PRSS57: variants seen among roughly 807,000 people sequenced by gnomAD.
The protein encoded by PRSS57 is neutrophil serine protease 4.
In PRSS57, 19 loss-of-function variants were observed where a neutral mutation model predicts 20.6. The observed-to-expected ratio is 0.92, with a 90% confidence interval of 0.64 to 1.35. The LOEUF is 1.35. PRSS57 is among the 40% of genes most tolerant of loss of function. PRSS57 has a pLI of 0.00. For synonymous variants in PRSS57, 203 were observed against 176.6 expected (o/e 1.15, Z -1.19); for missense variants, 440 against 403.7 (o/e 1.09, Z -0.77).
chr19:685,799 A>G lies in PRSS57; in HGVS notation c.766T>C (p.Trp256Arg), dbSNP rs1189941980. The change falls in exon 5 of 5, where the codon TGG becomes CGG. Residue 256 changes from tryptophan (W) to arginine (R), a missense_variant. Trp to Arg is a moderately radical substitution (Grantham distance 101). Transcript: ENST00000329267. ...CTCCGCCGAACCACGTCCCAGATCC[A>G]GGCCACAAAGGCGGACACCTGCGTG... ...VYTQVSAFVA[W>R]IWDVVRRSSP... The G allele has an allele frequency of 6.4e-7, 1 of 1,565,376 alleles. No individual in the cohort carries two copies. Among genetic ancestry groups the G allele is most frequent in the South Asian group, 1.2e-5 (1 of 85,232 alleles).
At position 691,688 on chromosome 19, in the gene PRSS57, G is replaced by T. The variant is rs529164339; in HGVS notation, c.378+170C>A. On this transcript the variant is annotated intron_variant, in intron 3 of 4. Coordinates refer to ENST00000329267, the MANE Select transcript of PRSS57 (RefSeq NM_001308209.2). ...ACAAAAATTAGATGGGCTTGGTGGC[G>T]CGCACCTGTAATCCCATGTACTTGA... 3.0e-4 allele frequency among the ~76,000 whole-genome samples: 45 copies of T among 151,322 alleles called. 1 individual carries two copies. Among genetic ancestry groups the T allele is most frequent in the African/African-American group, 1.0e-3 (42 of 41,146 alleles).
rs538211698 is a variant in PRSS57 at position 689,166 on chromosome 19, G to C, written c.379-1978C>G. On this transcript the variant is annotated intron_variant, in intron 3 of 4. Transcript: ENST00000329267. ...GACGGTGCTAGAAGGGTGGTCCAGG[G>C]GTTAGCAGGTGACGACGGGGCTGGA... Among the ~76,000 whole-genome samples the C allele has an allele frequency of 1.0e-3, 124 of 124,558 alleles. 4 individuals are homozygous for C. Among genetic ancestry groups the C allele is most frequent in the African/African-American group, 3.8e-3 (120 of 31,718 alleles). 81.7% of individuals were successfully genotyped at this position (124,558 alleles called of 152,430 possible).
At position 687,152 on chromosome 19, in the gene PRSS57, G is replaced by A. The variant is rs754896152; in HGVS notation, c.415C>T (p.Leu139=). The change falls in exon 4 of 5, where the codon CTG becomes TTG. Residue 139 remains leucine, a synonymous_variant. Coordinates refer to ENST00000329267, the MANE Select transcript of PRSS57 (RefSeq NM_001308209.2). ...GCCCTTCTCCCTGGCGGCCTCAGCA[G>A]CCCCACTGCAGGGCCCAGGACAGCA... ...GSAVLGPAVG[L]LRPPGRRARP... The A allele has an allele frequency of 3.1e-6, 5 of 1,594,710 alleles. No homozygotes were observed. The African/African-American group carries it at 4.0e-5, about 13-fold the overall frequency.
chr19:686,828 T>C (rs1487148028), intron 4 of PRSS57, 97 bp downstream of exon 4: 8 of 1,430,370 alleles, frequency 5.6e-6, no homozygotes, highest in Non-Finnish European at 7.6e-6. Context: ...CCAACATCAA[T>C]GGGACTCAGT....
At chr19:688,433 CG>C (rs1186213607) in intron 3 of PRSS57, among the ~76,000 whole-genome samples, 1 of 151,406 alleles carries the variant, frequency 6.6e-6, no homozygotes, top group Non-Finnish European at 1.5e-5. Flanking sequence ...CTCCGCCTCC[CG>C]GGTTCAAGCG....
chr19:693,823 G>T (rs113654570), intron 2 of PRSS57, among the ~76,000 whole-genome samples: 4 of 151,744 alleles, frequency 2.6e-5, no homozygotes, highest in Admixed American at 6.6e-5. Context: ...CACTGAAAGC[G>T]CCGCCTCCCG....
At chr19:695,200 C>A in intron 1 of PRSS57, 152 bp downstream of exon 1, 1 of 484,994 alleles carries the variant, frequency 2.1e-6, no homozygotes, top group Non-Finnish European at 3.3e-6. Flanking sequence ...GCCGGATTTC[C>A]ATCCATTTCC....
intron 3 of PRSS57, among the ~76,000 whole-genome samples, chr19:689,644 C>T (rs114400520): frequency 6.6e-6 from 1 of 152,258 alleles, no homozygotes; most frequent in Non-Finnish European, 1.5e-5. Flanking sequence ...TCAGGCCAGG[C>T]GCAGCAGCTC....
chr19:685,710 T>G lies in PRSS57; in HGVS notation c.*6A>C. On this transcript the variant is annotated 3_prime_UTR_variant, in exon 5 of 5. Transcript: ENST00000329267. ...CCATCTCATTTGCATGCCGCAAGGTTGTGGCTCAGGCGGCTTCTCCTGGGG... is the reference window on the plus strand; with the variant it reads ...CCATCTCATTTGCATGCCGCAAGGTGGTGGCTCAGGCGGCTTCTCCTGGGG... 6.5e-7 allele frequency: 1 copy of G among 1,531,008 alleles called. No individual in the cohort carries two copies. Among genetic ancestry groups the G allele is most frequent in the Non-Finnish European group, 8.8e-7 (1 of 1,131,160 alleles). 94.8% of individuals were successfully genotyped at this position (1,531,008 alleles called of 1,614,324 possible).
intron 3 of PRSS57, among the ~76,000 whole-genome samples, chr19:689,374 G>T (rs914242498): frequency 9.2e-5 from 14 of 152,034 alleles, no homozygotes; most frequent in Non-Finnish European, 2.9e-5. Flanking sequence ...AGACTTGACA[G>T]GCGTGAGGGG....
chr19:692,991 A>C (rs1343706685), intron 2 of PRSS57, among the ~76,000 whole-genome samples: 2 of 149,586 alleles, frequency 1.3e-5, no homozygotes, highest in African/African-American at 4.9e-5. Flanking sequence ...GCAGTGGTGC[A>C]ATCTTGGCTC....
At chr19:688,427 G>A (rs12185493) in intron 3 of PRSS57, among the ~76,000 whole-genome samples, 3,332 of 146,488 alleles carry the variant, frequency 0.023, 56 homozygotes, top group South Asian at 0.046. Context: ...GGCAACCTCC[G>A]CCTCCCGGGT....
chr19:693,178 G>T (rs946201731), intron 2 of PRSS57, among the ~76,000 whole-genome samples: 1 of 148,354 alleles, frequency 6.7e-6, no homozygotes, highest in Admixed American at 6.7e-5. Flanking sequence ...TGATCCGCCT[G>T]CCTCGGCCTC....
chr19:691,391 G>T (rs35418707), intron 3 of PRSS57, among the ~76,000 whole-genome samples: 28,927 of 151,118 alleles, frequency 0.19, 3,094 homozygotes, highest in African/African-American at 0.28. Context: ...TGTAATCCCA[G>T]CTACTTGGGT....
chr19:693,327 A>C (rs1161417454), intron 2 of PRSS57, among the ~76,000 whole-genome samples: 1 of 145,646 alleles, frequency 6.9e-6, no homozygotes, highest in Non-Finnish European at 1.5e-5. Flanking sequence ...TCCCAGGCTC[A>C]AGCGATCCTC....
At chr19:692,370 A>C (rs1356685103) in intron 2 of PRSS57, among the ~76,000 whole-genome samples, 1 of 143,666 alleles carries the variant, frequency 7.0e-6, no homozygotes, top group Non-Finnish European at 1.5e-5. Context: ...CTCCGTCTCA[A>C]AAAAACAAAA....
intron 3 of PRSS57, among the ~76,000 whole-genome samples, chr19:687,618 C>CTGT (rs1181384136): frequency 2.6e-5 from 4 of 152,152 alleles, no homozygotes; most frequent in Non-Finnish European, 4.4e-5. Context: ...GTTGGCCAGG[C>CTGT]TGTTCTCAAA....
intron 3 of PRSS57, among the ~76,000 whole-genome samples, chr19:689,824 T>C (rs959726629): frequency 1.3e-5 from 2 of 152,026 alleles, no homozygotes; most frequent in African/African-American, 4.8e-5. Flanking sequence ...GAGACCAAGG[T>C]GGGCGGATCA....
intron 3 of PRSS57, chr19:690,289 G>GT (rs2031606419): frequency 6.9e-6 from 1 of 144,066 alleles, no homozygotes; most frequent in South Asian, 2.1e-4. Context: ...CCAGCCTGGG[G>GT]ACACAGGGAG....
Sources: gnomAD v4.1 joint callset for allele counts (sites outside exome capture counted in the v4.1 genomes callset) on GRCh38, gnomAD v4.1.1 for gene constraint, MANE v1.5 for transcripts, NCBI Gene and HGNC (gene_info 2026-07-23, HGNC 2026-07-21) for gene names.